TXNDC12: variants seen among roughly 807,000 people sequenced by gnomAD.
TXNDC12 encodes thioredoxin domain containing 12.
TXNDC12 carries 22 observed loss-of-function variants against 24.2 expected under a neutral mutation model. That is an observed-to-expected ratio of 0.91 (90% CI 0.65 to 1.30). The LOEUF (loss-of-function observed/expected upper bound fraction) is 1.30, where lower values mean the gene tolerates loss of function less well. TXNDC12 is among the 50% of genes most tolerant of loss of function. The pLI is 0.00. For synonymous variants in TXNDC12, 58 were observed against 73.4 expected (o/e 0.79, Z 1.07); for missense variants, 184 against 205.8 (o/e 0.89, Z 0.65).
At chr1:52,054,633 G>A (rs552660732) in intron 1 of TXNDC12, among the ~76,000 whole-genome samples, 35 of 152,194 alleles carry the variant, frequency 2.3e-4, no homozygotes, top group Non-Finnish European at 4.6e-4. Context: ...CCAGAACAGG[G>A]TCCTCTGCAT....
intron 1 of TXNDC12, among the ~76,000 whole-genome samples, chr1:52,053,588 C>T (rs1018773448): frequency 1.3e-5 from 2 of 152,072 alleles, no homozygotes; most frequent in African/African-American, 4.8e-5. Flanking sequence ...CGCTTGAACC[C>T]AGGAGGCGGA....
chr1:52,028,705 A>C, intron 2 of TXNDC12, 75 bp from the exon 3 acceptor site: 1 of 1,126,380 alleles, frequency 8.9e-7, no homozygotes, highest in Non-Finnish European at 1.3e-6. Flanking sequence ...TTAATATGTG[A>C]AGACATTTCT....
chr1:52,046,789 A>T (rs1468870754), intron 1 of TXNDC12, among the ~76,000 whole-genome samples: 1 of 150,938 alleles, frequency 6.6e-6, no homozygotes, highest in African/African-American at 2.4e-5. Flanking sequence ...AGGCCAAGGC[A>T]GGCGGATCAC....
At chr1:52,033,358 C>T (rs780704290) in intron 2 of TXNDC12, 3 of 1,613,710 alleles carry the variant, frequency 1.9e-6, no homozygotes, top group East Asian at 2.2e-5. Flanking sequence ...AGCGCGTGGC[C>T]GCCAACTCAC....
intron 1 of TXNDC12, among the ~76,000 whole-genome samples, chr1:52,046,044 C>G (rs1686083611): frequency 6.6e-6 from 1 of 151,900 alleles, no homozygotes; most frequent in Non-Finnish European, 1.5e-5. Flanking sequence ...GAGACCCCAT[C>G]TCTATAAAAA....
In TXNDC12 at chr1:52,046,768, A is replaced by G. The variant is rs921538580; in HGVS notation, c.98-5171T>C. On this transcript the variant is annotated intron_variant, in intron 1 of 6. Coordinates refer to ENST00000371626, the MANE Select transcript of TXNDC12 (RefSeq NM_015913.4). ...CGCGGTGGCTCACGCCTGTAATCCC[A>G]GCACTTTGGGAGGCCAAGGCAGGCG... Among the ~76,000 whole-genome samples the G allele has an allele frequency of 1.1e-4, 16 of 151,480 alleles. No homozygotes were observed. In the South Asian group the frequency reaches 3.3e-3, roughly 32 times the overall value.
At chr1:52,049,053 A>C (rs183448632) in intron 1 of TXNDC12, among the ~76,000 whole-genome samples, 6 of 152,198 alleles carry the variant, frequency 3.9e-5, no homozygotes, top group Admixed American at 3.9e-4. Flanking sequence ...GAACAATTGA[A>C]ATGTAGACAA....
At chr1:52,022,189 A>G (rs1194109824) in intron 6 of TXNDC12, among the ~76,000 whole-genome samples, 6 of 152,188 alleles carry the variant, frequency 3.9e-5, no homozygotes, top group African/African-American at 1.4e-4. Context: ...CAAGGACTCA[A>G]ATCATAAAGT....
At chr1:52,032,962 G>A in intron 2 of TXNDC12, 1 of 1,586,238 alleles carries the variant, frequency 6.3e-7, no homozygotes, top group South Asian at 1.2e-5. Context: ...AAAGCTGCCG[G>A]AGGCGAGGGG....
intron 1 of TXNDC12, among the ~76,000 whole-genome samples, chr1:52,043,210 C>T (rs1686028315): frequency 6.6e-6 from 1 of 152,232 alleles, no homozygotes; most frequent in Non-Finnish European, 1.5e-5. Flanking sequence ...TATATCTTCC[C>T]TGACTCCCAA....
At chr1:52,033,293 T>G (rs778617290) in intron 2 of TXNDC12, 3 of 1,613,934 alleles carry the variant, frequency 1.9e-6, no homozygotes, top group Admixed American at 1.7e-5. Flanking sequence ...GAGTCCGCAG[T>G]ATGCAGTTCC....
chr1:52,036,615 T>C (rs149773421), intron 2 of TXNDC12, among the ~76,000 whole-genome samples: 106 of 152,348 alleles, frequency 7.0e-4, no homozygotes, highest in African/African-American at 2.5e-3. Context: ...AATGTTTCTA[T>C]ACAATACCAA....
chr1:52,036,456 G>A (rs1015197302), intron 2 of TXNDC12, among the ~76,000 whole-genome samples: 2 of 152,154 alleles, frequency 1.3e-5, no homozygotes, highest in Non-Finnish European at 2.9e-5. Flanking sequence ...GGAGGAGGAG[G>A]AAGAGGAAGA....
intron 6 of TXNDC12, chr1:52,023,123 A>C (rs750629244): frequency 6.6e-5 from 13 of 195,806 alleles, no homozygotes; most frequent in Non-Finnish European, 9.4e-5. Context: ...AGACTTGTTC[A>C]CCTAACACTA....
chr1:52,052,080 C>T (rs1037612024), intron 1 of TXNDC12, among the ~76,000 whole-genome samples: 1 of 152,176 alleles, frequency 6.6e-6, no homozygotes, highest in African/African-American at 2.4e-5. Context: ...CCAACCCAGC[C>T]CCACTGCCCT....
Position 52,021,006 on chromosome 1 carries a change from T to C in TXNDC12, c.446A>G (p.Gln149Arg). The change falls in exon 7 of 7, where the codon CAG becomes CGG. Residue 149 changes from glutamine (Q) to arginine (R), a missense_variant. Coordinates refer to ENST00000371626, the MANE Select transcript of TXNDC12 (RefSeq NM_015913.4). ...CCTTTCCTGAGCTTCCTTCATCCCCTGAACAACTGTGAAATAAAGATTGGA... is the reference window on the plus strand; with the variant it reads ...CCTTTCCTGAGCTTCCTTCATCCCCCGAACAACTGTGAAATAAAGATTGGA... ...YFYVSAEQVV[Q>R]GMKEAQERLT... 1.2e-6 allele frequency: 2 copies of C among 1,612,680 alleles called. No homozygotes were observed. Among genetic ancestry groups the C allele is most frequent in the African/African-American group, 1.3e-5 (1 of 75,008 alleles).
At chr1:52,034,079 T>A in intron 2 of TXNDC12, 17 of 1,304,498 alleles carry the variant, frequency 1.3e-5, no homozygotes, top group Non-Finnish European at 1.5e-5. Context: ...TTGTAAGCAA[T>A]CAGCACTATA....
chr1:52,021,898 T>C (rs1685602147), intron 6 of TXNDC12, among the ~76,000 whole-genome samples: 1 of 152,154 alleles, frequency 6.6e-6, no homozygotes, highest in Non-Finnish European at 1.5e-5. Flanking sequence ...AGCTGAGAGA[T>C]GGAGGATTCA....
In TXNDC12 at chr1:52,027,492, A is replaced by G. The variant is rs113446860; in HGVS notation, c.212-144T>C. On this transcript the variant is annotated intron_variant, in intron 3 of 6. Coordinates refer to ENST00000371626, the MANE Select transcript of TXNDC12 (RefSeq NM_015913.4). ...ATAACAAACTTTTTTTACACTCTAA[A>G]AAACAAGAATTAGGCTACCTGGATT... 137 of 614,658 alleles carry G rather than the reference A, an allele frequency of 2.2e-4. 1 individual carries two copies. In the African/African-American group the frequency reaches 2.3e-3, roughly 10 times the overall value. 38.1% of individuals were successfully genotyped at this position (614,658 alleles called of 1,614,324 possible). A position where few individuals can be genotyped will look rare whatever the true frequency, so the allele number is the denominator to read the frequency against.
Sources: allele counts gnomAD v4.1 joint callset (sites outside exome capture counted in the v4.1 genomes callset), GRCh38; gene constraint gnomAD v4.1.1; transcripts MANE v1.5; gene names NCBI Gene and HGNC (gene_info 2026-07-23, HGNC 2026-07-21).